The following MUC5B variants were observed in gnomAD, a reference collection of about 807,000 sequenced individuals.
MUC5B encodes the protein mucin-5B.
In MUC5B, 116 loss-of-function variants were observed where a neutral mutation model predicts 376.9. That is an observed-to-expected ratio of 0.31 (90% confidence interval 0.26 to 0.36). MUC5B has a LOEUF of 0.36. Among genes scored for constraint, MUC5B ranks in the 10% least tolerant of loss-of-function variants. The probability of loss-of-function intolerance (pLI) is 1.00; values close to 1 mark genes in which losing one functional copy is unlikely to be tolerated. For missense variants in MUC5B, 7,165 were observed against 7,769.9 expected (o/e 0.92, Z 2.93); for synonymous variants, 3,517 against 3,390.9 (o/e 1.04, Z -1.29).
At chr11:1,259,594 G>A (rs564005641) in intron 44 of MUC5B, 162 bp from the exon 45 acceptor site, 39 of 664,888 alleles carry the variant, frequency 5.9e-5, no homozygotes, top group Non-Finnish European at 7.8e-5. Context: ...GGGTGAGGCT[G>A]AGCCGGGATA....
Position 1,234,101 on chromosome 11 carries a change from G to A in MUC5B, c.2378-104G>A, listed in dbSNP as rs751635183. The stretch of plus-strand genomic sequence containing the variant: ...AGGTGTCATGGAAGCTTTGGCTCGG[G>A]GGCTGTTAACTTGATCAGCAGGACA... On this transcript the variant is annotated intron_variant, in intron 19 of 48. Coordinates refer to ENST00000529681, the MANE Select transcript of MUC5B (RefSeq NM_002458.3). The surrounding 1 kb of genome is among the most constrained non-coding windows in gnomAD (Gnocchi z 6.3). 12 of 988,470 alleles carry A rather than the reference G, an allele frequency of 1.2e-5. No individual in the cohort carries two copies. In the Admixed American group the frequency reaches 1.3e-4, roughly 10 times the overall value. 61.2% of individuals were successfully genotyped at this position (988,470 alleles called of 1,614,324 possible).
Position 1,226,836 on chromosome 11 carries a change from C to A in MUC5B, c.421C>A (p.Leu141Met). ...RVVIKAQGLV[L>M]EASNGSVLIN... Reference sequence around the variant, plus strand: ...TGTCATCAAGGCCCAGGGGCTGGTGCTGGAGGCGTCCAACGGCTCCGTCCT... The same window carrying A: ...TGTCATCAAGGCCCAGGGGCTGGTGATGGAGGCGTCCAACGGCTCCGTCCT... The change falls in exon 4 of 49, where the codon CTG (leucine) becomes ATG (methionine). Residue 141 changes from leucine to methionine, a missense_variant. Physicochemically the swap from Leu to Met is conservative, Grantham distance 15. Coordinates refer to ENST00000529681, the MANE Select transcript of MUC5B (RefSeq NM_002458.3). The A allele has an allele frequency of 1.9e-6, 3 of 1,609,582 alleles. No individual in the cohort carries two copies. The highest frequency in any genetic ancestry group is 2.5e-6 in the Non-Finnish European group (3 of 1,179,778).
chr11:1,246,037 G>A lies in MUC5B; in HGVS notation c.9157G>A (p.Val3053Met), dbSNP rs191961699. 2.5e-6 allele frequency: 4 copies of A among 1,612,746 alleles called. 1 individual carries two copies. The highest frequency in any genetic ancestry group is 3.3e-5 in the Admixed American group (2 of 59,934). The change falls in exon 31 of 49, where the codon GTG (valine) becomes ATG (methionine). Residue 3053 changes from valine to methionine, a missense_variant. Physicochemically the swap from Val to Met is conservative, Grantham distance 21 (BLOSUM62 1). This residue lies in a region of MUC5B where 939 missense variants were observed against 770.6 expected (regional missense o/e 1.22). Transcript: ENST00000529681. ...TCCAAGGACTGCAACCACCCTTCCA[G>A]TGCTGACAAGCACAGCCACCAAATC... Reference protein sequence around the residue: ...SSPRTATTLPVLTSTATKSTA... With the variant: ...SSPRTATTLPMLTSTATKSTA...
Position 1,231,025 on chromosome 11 carries a change from C to A in MUC5B, c.1540+20C>A, listed in dbSNP as rs371107834. On this transcript the variant is annotated intron_variant, in intron 13 of 48. Transcript: ENST00000529681. ...CGGCAGGTATGTGGCTCTCCCAGGA[C>A]GGCCGGGCTGGGTGGCGCCTGCTTG... is the stretch of plus-strand genomic sequence containing the variant. 4 of 1,572,514 alleles carry A rather than the reference C, an allele frequency of 2.5e-6. No homozygotes were observed. In the South Asian group the frequency reaches 4.7e-5, roughly 18 times the overall value.
intron 30 of MUC5B, 58 bp from the exon 31 acceptor site, chr11:1,240,793 T>A: frequency 6.7e-7 from 1 of 1,484,636 alleles, no homozygotes; most frequent in Non-Finnish European, 9.1e-7. Flanking sequence ...CCCCTCCACC[T>A]TGTGAGGCCA....
Position 1,240,951 on chromosome 11 carries a change from C to G in MUC5B, c.4071C>G (p.Asp1357Glu), listed in dbSNP as rs1250618108. 6.2e-7 allele frequency: 1 copy of G among 1,613,382 alleles called. No individual in the cohort carries two copies. The highest frequency in any genetic ancestry group is 1.7e-5 in the Admixed American group (1 of 60,030). ...CAGAGCCCGGCCTGGGAGGCGGAGA[C>G]TTTGAGACGTTTGAAAACCTGAGGC... is the stretch of plus-strand genomic sequence containing the variant. ...HRPEPGLGGG[D>E]FETFENLRQR... is the part of the protein sequence containing the mutation. Residue 1357 changes from aspartate (D) to glutamate (E), a missense_variant, in exon 31 of 49, where the codon GAC becomes GAG. Around this residue, in one of 31 missense-constraint regions of MUC5B, gnomAD observed 517 missense variants for 545.3 expected, o/e 0.95. Coordinates refer to ENST00000529681, the MANE Select transcript of MUC5B (RefSeq NM_002458.3).
Position 1,244,168 on chromosome 11 carries a change from C to T in MUC5B, c.7288C>T (p.Pro2430Ser). 6.2e-7 allele frequency: 1 copy of T among 1,613,440 alleles called. No individual in the cohort carries two copies. The highest frequency in any genetic ancestry group is 1.1e-5 in the South Asian group (1 of 91,050). Residue 2430 changes from proline to serine, a missense_variant, in exon 31 of 49, where the codon CCG (proline) becomes TCG (serine). By Grantham distance (74) the Pro-to-Ser change is moderately conservative. Transcript: ENST00000529681. ...CTCTACGGCCATGCCCTCCTCCACTCCGGGGACGACCTGGATCCTCACAGA... is the reference window on the plus strand; with the variant it reads ...CTCTACGGCCATGCCCTCCTCCACTTCGGGGACGACCTGGATCCTCACAGA... Reference protein sequence around the residue: ...TSSTAMPSSTPGTTWILTELT... With the variant: ...TSSTAMPSSTSGTTWILTELT...
rs753213965 is a variant in MUC5B at position 1,248,154 on chromosome 11, G to A, written c.11274G>A (p.Thr3758=). 38 of 1,590,438 alleles carry A rather than the reference G, an allele frequency of 2.4e-5. No homozygotes were observed. The highest frequency in any genetic ancestry group is 2.2e-4 in the Middle Eastern group (1 of 4,568). ...CCCCACATGTGAGCACCACGGCCAC[G>A]ACACCCACAGTCACCAGCTCCAAAG... The part of the protein sequence containing the change: ...AGTPHVSTTA[T]TPTVTSSKAT... The change falls in exon 31 of 49, where the codon ACG becomes ACA. Residue 3758 remains threonine (T), a synonymous_variant. Transcript: ENST00000529681.
At chr11:1,224,774 G>A (rs2133802347) in intron 1 of MUC5B, among the ~76,000 whole-genome samples, 1 of 152,258 alleles carries the variant, frequency 6.6e-6, no homozygotes, top group Middle Eastern at 3.4e-3. Flanking sequence ...ATGTCAGCAG[G>A]ACCTGGCTGG....
chr11:1,251,569 T>G lies in MUC5B; in HGVS notation c.14689T>G (p.Ser4897Ala), dbSNP rs1356729261. ...AGCCACTGCCTCCACGGTTCCCAGC[T>G]CGTCCACCGTGGGGACCACCCGCAC... The part of the protein sequence containing the change: ...PTATASTVPS[S>A]STVGTTRTPA... Residue 4897 changes from serine (S) to alanine (A), a missense_variant, in exon 31 of 49, where the codon TCG becomes GCG. By Grantham distance (99) the Ser-to-Ala change is moderately conservative (BLOSUM62 1). Transcript: ENST00000529681. The G allele has an allele frequency of 2.5e-6, 4 of 1,612,818 alleles. No homozygotes were observed. Among genetic ancestry groups the G allele is most frequent in the Non-Finnish European group, 3.4e-6 (4 of 1,179,790 alleles).
chr11:1,235,208 G>A lies in MUC5B; in HGVS notation c.2754G>A (p.Glu918=). The A allele has an allele frequency of 1.2e-6, 2 of 1,612,942 alleles. No homozygotes were observed. Among genetic ancestry groups the A allele is most frequent in the Non-Finnish European group, 1.7e-6 (2 of 1,179,560 alleles). Residue 918 remains glutamate (E), a synonymous_variant, in exon 22 of 49, where the codon GAG becomes GAA. Transcript: ENST00000529681. ...GDRYSFEGSC[E]YILAQDYCGD... ...GCTACAGCTTTGAAGGCAGCTGCGA[G>A]TACATCTTGGCCCAGGTACGCCGCC...
In MUC5B at chr11:1,250,865, G is replaced by C; in HGVS notation, c.13985G>C (p.Gly4662Ala). ...ACCACCACCACAACTGTGGCCACTG[G>C]TTCTATGGCAACACCCTCCTCTAGC... ...LTTTTTTVATGSMATPSSSTQ... is the reference protein window; with the variant it reads ...LTTTTTTVATASMATPSSSTQ... The change falls in exon 31 of 49, where the codon GGT becomes GCT. Residue 4662 changes from glycine (G) to alanine (A), a missense_variant. By Grantham distance (60) the Gly-to-Ala change is moderately conservative. Coordinates refer to ENST00000529681, the MANE Select transcript of MUC5B (RefSeq NM_002458.3). 1.2e-6 allele frequency: 2 copies of C among 1,601,452 alleles called. No individual in the cohort carries two copies. Among genetic ancestry groups the C allele is most frequent in the Non-Finnish European group, 1.7e-6 (2 of 1,174,252 alleles).
Position 1,242,613 on chromosome 11 carries a change from C to T in MUC5B, c.5733C>T (p.Thr1911=). 6.2e-7 allele frequency: 1 copy of T among 1,613,804 alleles called. No individual in the cohort carries two copies. Among genetic ancestry groups the T allele is most frequent in the Non-Finnish European group, 8.5e-7 (1 of 1,179,816 alleles). Residue 1911 remains threonine, a synonymous_variant, in exon 31 of 49, where the codon ACC becomes ACT. Transcript: ENST00000529681. ...CGACCTGGATCCTCACAAAGCCGAC[C>T]ACAACAGCCACTACGACTGCGTCCA... ...PGTTWILTKP[T]TTATTTASTG... is the part of the protein sequence containing the mutation.
rs181638106 is a variant in MUC5B, at chr11:1,255,325, G to C, written c.15891-58G>C. On this transcript the variant is annotated intron_variant, in intron 36 of 48. Coordinates refer to ENST00000529681, the MANE Select transcript of MUC5B (RefSeq NM_002458.3). Reference sequence around the variant, plus strand: ...GGCGCCCCCGCCCGCCCGCATGCACGCACGCACGCAGCTCCCTGGGGCTGG... The same window carrying C: ...GGCGCCCCCGCCCGCCCGCATGCACCCACGCACGCAGCTCCCTGGGGCTGG... 228 of 1,369,522 alleles carry C rather than the reference G, an allele frequency of 1.7e-4. No individual in the cohort carries two copies. In the African/African-American group the frequency reaches 2.7e-3, roughly 16 times the overall value. 84.8% of individuals were successfully genotyped at this position (1,369,522 alleles called of 1,614,324 possible). A position where few individuals can be genotyped will look rare whatever the true frequency, so the allele number is the denominator to read the frequency against.
chr11:1,234,338 G>A lies in MUC5B; in HGVS notation c.2478+33G>A. On this transcript the variant is annotated intron_variant, in intron 20 of 48. Transcript: ENST00000529681. The surrounding 1 kb of genome is among the most constrained non-coding windows in gnomAD (Gnocchi z 6.3). ...CCATGCTTCAGGGAGGGGTGGGCAG[G>A]GAAGGGGTCCCAGCTTTCCCAGCTC... 6.5e-7 allele frequency: 1 copy of A among 1,533,548 alleles called. No individual in the cohort carries two copies. Among genetic ancestry groups the A allele is most frequent in the Non-Finnish European group, 8.9e-7 (1 of 1,122,640 alleles). 95.0% of individuals were successfully genotyped at this position (1,533,548 alleles called of 1,614,324 possible).
Position 1,257,480 on chromosome 11 carries a change from T to G in MUC5B, c.16270-50T>G. 1.3e-6 allele frequency: 2 copies of G among 1,588,566 alleles called. No homozygotes were observed. Among genetic ancestry groups the G allele is most frequent in the Non-Finnish European group, 8.6e-7 (1 of 1,165,586 alleles). On this transcript the variant is annotated intron_variant, in intron 40 of 48. Transcript: ENST00000529681. This position sits in a 1 kb window ranked among gnomAD's most constrained non-coding sequence, Gnocchi z 8.9. Reference sequence around the variant, plus strand: ...GGGTGGCTGGACAGATGCCCAGGGTTGACCTGTGTCTGTCCAGGAGCCCTC... The same window carrying G: ...GGGTGGCTGGACAGATGCCCAGGGTGGACCTGTGTCTGTCCAGGAGCCCTC...
In MUC5B at chr11:1,248,738, C is replaced by G. The variant is rs376022389; in HGVS notation, c.11858C>G (p.Thr3953Arg). 2 of 1,558,922 alleles carry G rather than the reference C, an allele frequency of 1.3e-6. No homozygotes were observed. Among genetic ancestry groups the G allele is most frequent in the Non-Finnish European group, 1.7e-6 (2 of 1,151,412 alleles). The change falls in exon 31 of 49, where the codon ACG becomes AGG. Residue 3953 changes from threonine (T) to arginine (R), a missense_variant. Transcript: ENST00000529681. ...TPPSLITTATTITATGSTTNP... is the reference protein window; with the variant it reads ...TPPSLITTATRITATGSTTNP... ...CCATCACTGATCACCACGGCCACTA[C>G]GATCACGGCCACCGGCTCCACCACC...
At position 1,232,133 on chromosome 11, in the gene MUC5B, G is replaced by A. The variant is rs1862041713; in HGVS notation, c.1816G>A (p.Asp606Asn). The A allele has an allele frequency of 3.1e-6, 5 of 1,611,330 alleles. No individual in the cohort carries two copies. Among genetic ancestry groups the A allele is most frequent in the Admixed American group, 1.7e-5 (1 of 59,846 alleles). Reference sequence around the variant, plus strand: ...TGCCAATGCCAGGAACAGCTTTGAGGACCCCTGCTCCCTCAGTGTGGAGAA... The same window carrying A: ...TGCCAATGCCAGGAACAGCTTTGAGAACCCCTGCTCCCTCAGTGTGGAGAA... ...ACANARNSFE[D>N]PCSLSVENEN... Residue 606 changes from aspartate (D) to asparagine (N), a missense_variant, in exon 15 of 49, where the codon GAC becomes AAC. By Grantham distance (23) the Asp-to-Asn change is conservative. Around this residue, in one of 31 missense-constraint regions of MUC5B, gnomAD observed 530 missense variants for 604.0 expected, o/e 0.88. Transcript: ENST00000529681.
rs1862967690 is a variant in MUC5B, at chr11:1,260,392, G to A, written c.16965G>A (p.Glu5655=). ...CCGGCTGCTGCTACTCCTGTGAGGA[G>A]GGTAAGTGGAAGCCACCTTCCCACA... is the stretch of plus-strand genomic sequence containing the variant. ...RKTGCCYSCE[E]DSCQVRINTT... The change falls in exon 47 of 49, where the codon GAG becomes GAA. Residue 5655 remains glutamate (E), a splice_region_variant and synonymous_variant. Transcript: ENST00000529681. 9 of 1,612,408 alleles carry A rather than the reference G, an allele frequency of 5.6e-6. No individual in the cohort carries two copies. Among genetic ancestry groups the A allele is most frequent in the Admixed American group, 3.3e-5 (2 of 59,992 alleles).
Sources: gnomAD v4.1 joint callset for allele counts (sites outside exome capture counted in the v4.1 genomes callset) on GRCh38, gnomAD v4.1.1 for gene constraint, gnomAD v4.1.1 regional missense constraint, Gnocchi (gnomAD v3.1) non-coding constraint, MANE v1.5 for transcripts, NCBI Gene and HGNC (gene_info 2026-07-23, HGNC 2026-07-21) for gene names.